Variants in CRY1 observed in about 807,000 individuals in gnomAD.
The protein encoded by CRY1 is cryptochrome circadian regulator 1.
CRY1 carries 45 observed loss-of-function variants against 76.0 expected under a neutral mutation model. The ratio of observed to expected loss-of-function variants is 0.59; its 90% CI spans 0.47 to 0.76. CRY1 has a LOEUF of 0.76. CRY1 is among the 30% of genes least tolerant of loss of function. CRY1 has a pLI of 0.00. For missense variants in CRY1, 587 were observed against 716.4 expected (o/e 0.82, Z 2.06); for synonymous variants, 248 against 244.0 (o/e 1.02, Z -0.15).
rs143872939 is a variant in CRY1, at chr12:107,084,677, C to T, written c.158+8127G>A. ...ACTGTATACAAAAATTCACTCAAGA[C>T]GAATTAAAGACTTACATGTAAAACC... On this transcript the variant is annotated intron_variant, in intron 1 of 12. Transcript: ENST00000008527. Among the ~76,000 whole-genome samples, 391 of 152,182 alleles carry T rather than the reference C, an allele frequency of 2.6e-3. 3 individuals carry two copies. Among genetic ancestry groups the T allele is most frequent in the African/African-American group, 8.7e-3 (362 of 41,528 alleles).
In CRY1 at chr12:107,062,025, CAA is replaced by C. The variant is rs35683352; in HGVS notation, c.158+30777_158+30778del. Among the ~76,000 whole-genome samples, 124 of 93,536 alleles carry C rather than the reference CAA, an allele frequency of 1.3e-3. 1 individual carries two copies. Among genetic ancestry groups the C allele is most frequent in the Middle Eastern group, 5.1e-3 (1 of 196 alleles). The allele number at this position is 93,536 out of a possible 152,430, so 61.4% of individuals were successfully genotyped here. On this transcript the variant is annotated intron_variant, in intron 1 of 12. Transcript: ENST00000008527. ...TGGACAACAGAGCAAGACCCTGTCTCAAAAAAAAAAAAAAAAAAAGAAAAAAA... is the reference window on the plus strand; with the variant it reads ...TGGACAACAGAGCAAGACCCTGTCTCAAAAAAAAAAAAAAAAAGAAAAAAA...
chr12:107,015,230 A>G (rs2136838252), intron 2 of CRY1, among the ~76,000 whole-genome samples: 1 of 152,364 alleles, frequency 6.6e-6, no homozygotes, highest in Non-Finnish European at 1.5e-5. Context: ...ATAAGAGGAA[A>G]AAAGACCTCT....
At chr12:107,007,304 C>T (rs1217028622) in intron 2 of CRY1, among the ~76,000 whole-genome samples, 1 of 152,164 alleles carries the variant, frequency 6.6e-6, no homozygotes, top group Non-Finnish European at 1.5e-5. Context: ...AACTGCTAAA[C>T]TCTCCATGCC....
Position 107,092,805 on chromosome 12 carries a change from G to T in CRY1, c.157C>A (p.Arg53=). 6.2e-7 allele frequency: 1 copy of T among 1,611,350 alleles called. No individual in the cohort carries two copies. The highest frequency in any genetic ancestry group is 8.5e-7 in the Non-Finnish European group (1 of 1,179,716). The stretch of plus-strand genomic sequence containing the variant: ...ATTTCCCACGGGCTTGTGACTCACC[G>T]CCACCTGTTGATGCCCACATTGGAG... ...GSSNVGINRW[R]FLLQCLEDLD... is the part of the protein sequence containing the mutation. The change falls in exon 1 of 13, where the codon CGA becomes AGA. Residue 53 remains arginine (R), a splice_region_variant and synonymous_variant. Transcript: ENST00000008527.
At chr12:107,044,260 T>C (rs1199237519) in intron 1 of CRY1, among the ~76,000 whole-genome samples, 2 of 152,166 alleles carry the variant, frequency 1.3e-5, no homozygotes, top group African/African-American at 2.4e-5. Flanking sequence ...GGAATCCCCT[T>C]GGCTAAGTCT....
chr12:107,057,697 C>G (rs1189574819), intron 1 of CRY1, among the ~76,000 whole-genome samples: 2 of 152,026 alleles, frequency 1.3e-5, no homozygotes, highest in Non-Finnish European at 2.9e-5. Context: ...TGCCACTGTA[C>G]TCCAGCCTGG....
intron 1 of CRY1, among the ~76,000 whole-genome samples, chr12:107,056,932 T>C (rs1450813850): frequency 6.6e-6 from 1 of 152,066 alleles, no homozygotes. Flanking sequence ...GACAAACATA[T>C]AGACATTTTG....
intron 1 of CRY1, chr12:107,073,153 G>A (rs1440047184): frequency 6.6e-6 from 1 of 152,112 alleles, no homozygotes; most frequent in Non-Finnish European, 1.5e-5. Context: ...AAGGGGCATT[G>A]AGGCTTATCG....
chr12:107,007,736 C>A (rs1952391472), intron 2 of CRY1, among the ~76,000 whole-genome samples: 1 of 152,044 alleles, frequency 6.6e-6, no homozygotes, highest in South Asian at 2.1e-4. Flanking sequence ...CACTGTATTG[C>A]CCAAGCTAGT....
chr12:107,061,375 T>C (rs1444151132), intron 1 of CRY1, among the ~76,000 whole-genome samples: 1 of 151,086 alleles, frequency 6.6e-6, no homozygotes, highest in Non-Finnish European at 1.5e-5. Context: ...CCTAATACAG[T>C]CTTTTTTTTT....
intron 1 of CRY1, among the ~76,000 whole-genome samples, chr12:107,039,713 G>T (rs1462925098): frequency 6.6e-6 from 1 of 152,190 alleles, no homozygotes; most frequent in South Asian, 2.1e-4. Context: ...AATGTTGGTG[G>T]CGCTGCAAAA....
intron 3 of CRY1, among the ~76,000 whole-genome samples, chr12:107,003,807 A>ATTT (rs200134178): frequency 7.2e-6 from 1 of 139,004 alleles, no homozygotes; most frequent in Non-Finnish European, 1.6e-5. Context: ...TAAACACTTG[A>ATTT]TTTTTTTTTT....
At chr12:107,022,504 G>A (rs2136845647) in intron 1 of CRY1, among the ~76,000 whole-genome samples, 1 of 151,956 alleles carries the variant, frequency 6.6e-6, no homozygotes, top group Non-Finnish European at 1.5e-5. Context: ...TGGTTTCATT[G>A]TTTAAACTTG....
rs3809237 is a variant in CRY1 at position 107,093,134 on chromosome 12, C to T, written c.-173G>A. On this transcript the variant is annotated 5_prime_UTR_variant, in exon 1 of 13. Coordinates refer to ENST00000008527, the MANE Select transcript of CRY1 (RefSeq NM_004075.5). ...AGGGGACCGGAGAAGGCGGGGGCGC[C>T]GGAGGCGCAGTGGAAAGATGAATGG... The T allele has an allele frequency of 0.66, 488,567 of 743,534 alleles. 164,217 individuals are homozygous for T. The highest frequency in any genetic ancestry group is 0.95 in the East Asian group (31,914 of 33,442). 46.1% of individuals were successfully genotyped at this position (743,534 alleles called of 1,614,324 possible).
At position 107,026,134 on chromosome 12, in the gene CRY1, C is replaced by CATATATGTAATATATATTAT. The variant is rs1172741922; in HGVS notation, c.159-3943_159-3942insATAATATATATTACATATAT. On this transcript the variant is annotated intron_variant, in intron 1 of 12. Coordinates refer to ENST00000008527, the MANE Select transcript of CRY1 (RefSeq NM_004075.5). ...AAAATATATATATTATATATAATTACATATATATTACATATATATATAAAA... is the reference window on the plus strand; with the variant it reads ...AAAATATATATATTATATATAATTACATATATGTAATATATATTATATATATATTACATATATATATAAAA... 3.4e-4 allele frequency among the ~76,000 whole-genome samples: 20 copies of CATATATGTAATATATATTAT among 58,834 alleles called. 1 individual carries two copies. The highest frequency in any genetic ancestry group is 2.2e-3 in the African/African-American group (19 of 8,790). 38.6% of individuals were successfully genotyped at this position (58,834 alleles called of 152,430 possible). A position where few individuals can be genotyped will look rare whatever the true frequency, so the allele number is the denominator to read the frequency against.
At chr12:107,084,174 TAA>T (rs1423859706) in intron 1 of CRY1, among the ~76,000 whole-genome samples, 1 of 151,974 alleles carries the variant, frequency 6.6e-6, no homozygotes. Context: ...CTCAAAGAAA[TAA>T]GAGAGGACAC....
At chr12:107,047,053 T>C (rs538450297) in intron 1 of CRY1, among the ~76,000 whole-genome samples, 5 of 152,206 alleles carry the variant, frequency 3.3e-5, no homozygotes, top group Admixed American at 2.6e-4. Flanking sequence ...GAACACTTCG[T>C]TCCACAGTTG....
chr12:107,038,498 G>A (rs1460503637), intron 1 of CRY1, among the ~76,000 whole-genome samples: 1 of 152,174 alleles, frequency 6.6e-6, no homozygotes, highest in Non-Finnish European at 1.5e-5. Flanking sequence ...AGAAATGGAG[G>A]AAGGAAAAAC....
chr12:107,000,898 C>T (rs781742638), intron 5 of CRY1, among the ~76,000 whole-genome samples: 3 of 152,118 alleles, frequency 2.0e-5, no homozygotes, highest in East Asian at 1.9e-4. Context: ...GATCCACCTG[C>T]GTCAGCCTCC....
Sources: gnomAD v4.1 joint callset for allele counts (sites outside exome capture counted in the v4.1 genomes callset) on GRCh38, gnomAD v4.1.1 for gene constraint, MANE v1.5 for transcripts, NCBI Gene and HGNC (gene_info 2026-07-23, HGNC 2026-07-21) for gene names.